RGS8: variants seen among roughly 807,000 people sequenced by gnomAD.
The protein encoded by RGS8 is regulator of G-protein signaling 8.
A neutral mutation model predicts 21.7 loss-of-function variants in RGS8; 8 were observed. The ratio of observed to expected loss-of-function variants is 0.37; its 90% CI spans 0.22 to 0.66. The LOEUF (loss-of-function observed/expected upper bound fraction) is 0.66, where lower values mean the gene tolerates loss of function less well. Among genes scored for constraint, RGS8 ranks in the 30% least tolerant of loss-of-function variants. The probability of loss-of-function intolerance (pLI) is 0.59; values close to 1 mark genes in which losing one functional copy is unlikely to be tolerated. For missense variants in RGS8, 157 were observed against 217.9 expected (o/e 0.72, Z 1.76); for synonymous variants, 80 against 83.6 (o/e 0.96, Z 0.24).
At position 182,684,182 on chromosome 1, in the gene RGS8, G is replaced by A. The variant is rs1175110856; in HGVS notation, n.221+174C>T. On this transcript the variant is annotated intron_variant and non_coding_transcript_variant, in intron 1 of 4. Coordinates refer to the RGS8 transcript ENST00000515211. The surrounding 1 kb of genome is among the most constrained non-coding windows in gnomAD (Gnocchi z 4.2). ...TTCTACACCCTTGCTCCTGGCGGAG[G>A]TGGCGGGCTTAATAGCTCTGAGGAG... Among the ~76,000 whole-genome samples, 1 of 152,242 alleles carries A rather than the reference G, an allele frequency of 6.6e-6. No homozygotes were observed. Among genetic ancestry groups the A allele is most frequent in the Non-Finnish European group, 1.5e-5 (1 of 68,042 alleles).
intron 1 of RGS8, among the ~76,000 whole-genome samples, chr1:182,683,298 C>T (rs951008107): frequency 6.6e-6 from 1 of 152,140 alleles, no homozygotes; most frequent in African/African-American, 2.4e-5. Flanking sequence ...CAGCGTAATA[C>T]CATGTTGCAT....
chr1:182,661,846 A>ACACT (rs1265054980), intron 5 of RGS8, among the ~76,000 whole-genome samples: 1 of 147,806 alleles, frequency 6.8e-6, no homozygotes, highest in African/African-American at 2.6e-5. Flanking sequence ...ACACACACAC[A>ACACT]CTCTTGGGGC....
intron 3 of RGS8, among the ~76,000 whole-genome samples, chr1:182,667,197 C>G (rs1308579828): frequency 6.6e-6 from 1 of 152,168 alleles, no homozygotes; most frequent in Non-Finnish European, 1.5e-5. Context: ...CTTTTCAAAG[C>G]TGACACAGCA....
chr1:182,698,973 T>A, the RGS8 span, among the ~76,000 whole-genome samples: 1 of 152,208 alleles, frequency 6.6e-6, no homozygotes, highest in African/African-American at 2.4e-5. Flanking sequence ...CCCAGAGACT[T>A]ATTGTATGCC....
chr1:182,719,132 C>T, the RGS8 span, among the ~76,000 whole-genome samples: 2 of 152,286 alleles, frequency 1.3e-5, no homozygotes, highest in Admixed American at 6.5e-5. Flanking sequence ...TCCCATTATT[C>T]GGCCTTCTTA....
chr1:182,749,210 G>A, the RGS8 span, among the ~76,000 whole-genome samples: 10 of 152,130 alleles, frequency 6.6e-5, no homozygotes, highest in South Asian at 4.1e-4. Flanking sequence ...TCTTCTAGTC[G>A]TTTCATAGCT....
At chr1:182,728,338 G>A in the RGS8 span, among the ~76,000 whole-genome samples, 1 of 152,186 alleles carries the variant, frequency 6.6e-6, no homozygotes, top group African/African-American at 2.4e-5. Context: ...GCTCCTGATA[G>A]CGTCAGAGTA....
chr1:182,655,214 G>A (rs1358917020), intron 5 of RGS8, among the ~76,000 whole-genome samples: 3 of 152,222 alleles, frequency 2.0e-5, no homozygotes, highest in Non-Finnish European at 2.9e-5. Context: ...CATGTAGAAG[G>A]ACTAGCCTCT....
the RGS8 span, among the ~76,000 whole-genome samples, chr1:182,698,669 T>C: frequency 6.6e-6 from 1 of 152,196 alleles, no homozygotes; most frequent in Non-Finnish European, 1.5e-5. Context: ...TGCTTTTTTG[T>C]GGGTGAAAAA....
intron 1 of RGS8, among the ~76,000 whole-genome samples, chr1:182,678,457 A>C (rs981431976): frequency 6.6e-6 from 1 of 152,242 alleles, no homozygotes; most frequent in Non-Finnish European, 1.5e-5. Context: ...CCTAGGGAGC[A>C]GGTGCTAAAA....
chr1:182,671,545 G>T, intron 2 of RGS8, 112 bp downstream of exon 3: 1 of 887,218 alleles, frequency 1.1e-6, no homozygotes, highest in South Asian at 1.5e-5. Flanking sequence ...GAGCCTCCGA[G>T]GGAAGAAAGC....
chr1:182,748,437 T>A, the RGS8 span, among the ~76,000 whole-genome samples: 4 of 152,226 alleles, frequency 2.6e-5, no homozygotes, highest in Non-Finnish European at 5.9e-5. Context: ...ATGGCAGGAT[T>A]TCATTCTTTT....
the RGS8 span, among the ~76,000 whole-genome samples, chr1:182,695,328 C>T: frequency 6.6e-6 from 1 of 152,108 alleles, no homozygotes; most frequent in African/African-American, 2.4e-5. Flanking sequence ...AAAATGGACA[C>T]GTAATAAATA....
chr1:182,672,231 C>T (rs1664203448), upstream of RGS8: 1 of 174,998 alleles, frequency 5.7e-6, no homozygotes, highest in South Asian at 1.4e-4. Context: ...GGCTGCTGCA[C>T]CGGGAGTGGG....
At chr1:182,663,549 A>C (rs1450217641) in intron 5 of RGS8, among the ~76,000 whole-genome samples, 1 of 152,182 alleles carries the variant, frequency 6.6e-6, no homozygotes, top group East Asian at 1.9e-4. Context: ...TTTTTTAAGA[A>C]ACAGGGTCTC....
the RGS8 span, among the ~76,000 whole-genome samples, chr1:182,738,413 A>G: frequency 3.9e-5 from 6 of 152,254 alleles, no homozygotes; most frequent in African/African-American, 1.4e-4. Flanking sequence ...ATAGTAGCCT[A>G]TATAATTTTC....
At chr1:182,649,519 T>C (rs937953231) in intron 5 of RGS8, among the ~76,000 whole-genome samples, 4 of 152,228 alleles carry the variant, frequency 2.6e-5, no homozygotes, top group African/African-American at 4.8e-5. Flanking sequence ...TTAATTAAGA[T>C]TGATCATAAT....
chr1:182,672,726 T>C (rs1664223490), upstream of RGS8: 2 of 1,464,404 alleles, frequency 1.4e-6, no homozygotes, highest in South Asian at 1.1e-5. Context: ...GCATTTGTTA[T>C]GGAGTGAGAC....
At chr1:182,669,476 GTTCACACAGGAGGCCT>G (rs1664043224) in intron 3 of RGS8, 132 bp downstream of exon 4, 7 of 1,182,558 alleles carry the variant, frequency 5.9e-6, no homozygotes, top group Non-Finnish European at 8.6e-6. Context: ...GAACCGTGCA[GTTCACACAGGAGGCCT>G]ATGGGGACAG....
Sources: gnomAD v4.1 joint callset for allele counts (sites outside exome capture counted in the v4.1 genomes callset) on GRCh38, gnomAD v4.1.1 for gene constraint, Gnocchi (gnomAD v3.1) non-coding constraint, MANE v1.5 for transcripts, NCBI Gene and HGNC (gene_info 2026-07-23, HGNC 2026-07-21) for gene names.